SLC39A11: variants seen among roughly 807,000 people sequenced by gnomAD.
The protein encoded by SLC39A11 is zinc transporter ZIP11.
In SLC39A11, 33 loss-of-function variants were observed where a neutral mutation model predicts 36.1. That is an observed-to-expected ratio of 0.91 (90% CI 0.69 to 1.22). The LOEUF (loss-of-function observed/expected upper bound fraction) is 1.22, where lower values mean the gene tolerates loss of function less well. Among genes scored for constraint, SLC39A11 ranks in the 50% most tolerant of loss-of-function variants. SLC39A11 has a pLI of 0.00. For synonymous variants in SLC39A11, 166 were observed against 170.3 expected, an observed-to-expected ratio of 0.97 and a Z score of 0.20; for missense variants, 432 against 430.3, an observed-to-expected ratio of 1.00 and a Z score of -0.03.
intron 3 of SLC39A11, among the ~76,000 whole-genome samples, chr17:73,048,931 GATA>G (rs1372340089): frequency 1.3e-5 from 2 of 152,192 alleles, no homozygotes; most frequent in Non-Finnish European, 1.5e-5. Context: ...TCTGTGAATA[GATA>G]ATAACGCAGA....
At chr17:72,777,632 G>C (rs1294115453) in intron 6 of SLC39A11, among the ~76,000 whole-genome samples, 3 of 152,110 alleles carry the variant, frequency 2.0e-5, no homozygotes, top group Non-Finnish European at 1.5e-5. Flanking sequence ...AACTAGGAGA[G>C]GCCAAGAAAG....
intron 6 of SLC39A11, among the ~76,000 whole-genome samples, chr17:72,846,855 A>G (rs1408875087): frequency 1.3e-5 from 2 of 152,228 alleles, no homozygotes; most frequent in Admixed American, 1.3e-4. Flanking sequence ...GCAGAAAGAC[A>G]GCTACTATTA....
intron 7 of SLC39A11, among the ~76,000 whole-genome samples, chr17:72,718,557 G>A (rs1473387776): frequency 6.6e-6 from 1 of 152,072 alleles, no homozygotes; most frequent in African/African-American, 2.4e-5. Context: ...GACTTTGGGG[G>A]AGAGTTTTGA....
chr17:72,648,751 G>C (rs186429104), intron 9 of SLC39A11, 52 bp downstream of exon 9: 77 of 1,599,760 alleles, frequency 4.8e-5, no homozygotes, highest in Non-Finnish European at 6.5e-5. Context: ...CCAAGGCTGG[G>C]GTCCCAGCTG....
chr17:72,716,834 T>C (rs2073387979), intron 7 of SLC39A11, among the ~76,000 whole-genome samples: 1 of 151,720 alleles, frequency 6.6e-6, no homozygotes, highest in South Asian at 2.1e-4. Flanking sequence ...CTGGGCGTGG[T>C]GGCAGGTGCC....
intron 4 of SLC39A11, among the ~76,000 whole-genome samples, chr17:72,967,295 T>C (rs547930751): frequency 6.6e-6 from 1 of 151,654 alleles, no homozygotes; most frequent in Admixed American, 6.6e-5. Flanking sequence ...GGGACTACTA[T>C]GCTAGAGTGA....
intron 7 of SLC39A11, among the ~76,000 whole-genome samples, chr17:72,722,950 G>A (rs912534878): frequency 6.6e-6 from 1 of 152,030 alleles, no homozygotes; most frequent in Non-Finnish European, 1.5e-5. Context: ...TTTCTAGAAG[G>A]GTGATCTCTC....
chr17:72,729,117 A>T (rs754127650), intron 7 of SLC39A11, among the ~76,000 whole-genome samples: 7 of 151,952 alleles, frequency 4.6e-5, no homozygotes, highest in Non-Finnish European at 1.0e-4. Flanking sequence ...TCTTAGCCAG[A>T]TGCATGTTTG....
rs558738159 is a variant in SLC39A11, at chr17:72,809,500, T to C, written c.601+40134A>G. ...CAGGACATTTCAGCTTGCTTCTTCG[T>C]GGCTTCCCTTTTGCAATCACCTGGA... On this transcript the variant is annotated intron_variant, in intron 6 of 9. Coordinates refer to ENST00000255559, the MANE Select transcript of SLC39A11 (RefSeq NM_139177.4). Among the ~76,000 whole-genome samples, 41 of 152,300 alleles carry C rather than the reference T, an allele frequency of 2.7e-4. 1 individual carries two copies. The South Asian group carries it at 7.7e-3, about 28-fold the overall frequency.
intron 7 of SLC39A11, among the ~76,000 whole-genome samples, chr17:72,729,439 ATATATATATATATATATATT>A (rs2074104668): frequency 1.8e-3 from 4 of 2,172 alleles, no homozygotes; most frequent in Non-Finnish European, 3.3e-3. Flanking sequence ...ATATATATAT[ATATATATATATATATATATT>A]TTTTTTTTTT....
At chr17:72,767,407 C>T (rs1333313566) in intron 6 of SLC39A11, among the ~76,000 whole-genome samples, 5 of 152,186 alleles carry the variant, frequency 3.3e-5, no homozygotes, top group Admixed American at 3.3e-4. Context: ...GAGGGCTGCA[C>T]AGGGTGAGGG....
At chr17:72,800,825 T>G (rs1305131430) in intron 6 of SLC39A11, among the ~76,000 whole-genome samples, 1 of 152,136 alleles carries the variant, frequency 6.6e-6, no homozygotes, top group Admixed American at 6.5e-5. Flanking sequence ...ATGCTCCAAG[T>G]CAGTTCTATT....
At chr17:72,694,951 T>C (rs971376903) in intron 7 of SLC39A11, among the ~76,000 whole-genome samples, 1 of 151,972 alleles carries the variant, frequency 6.6e-6, no homozygotes, top group Non-Finnish European at 1.5e-5. Context: ...GCAGGTGCTG[T>C]GGGCATGGCT....
chr17:72,662,637 GAGAA>G (rs1202737032), intron 7 of SLC39A11, among the ~76,000 whole-genome samples: 1 of 115,590 alleles, frequency 8.7e-6, no homozygotes, highest in Non-Finnish European at 1.8e-5. Flanking sequence ...AGAAGAAAGA[GAGAA>G]AGAAAAAGAA....
intron 7 of SLC39A11, among the ~76,000 whole-genome samples, chr17:72,684,910 G>A (rs76642368): frequency 0.04 from 6,150 of 152,258 alleles, 151 homozygotes; most frequent in Middle Eastern, 0.078. Context: ...CCCCCCGGGG[G>A]TTCTGATGAC....
chr17:72,683,333 ATTTTTTT>A (rs112326860), intron 7 of SLC39A11, among the ~76,000 whole-genome samples: 18 of 134,608 alleles, frequency 1.3e-4, no homozygotes, highest in Admixed American at 1.0e-3. Context: ...CTTGAGACTA[ATTTTTTT>A]TTTTTTTTTT....
intron 5 of SLC39A11, among the ~76,000 whole-genome samples, chr17:72,899,989 A>AGAGAGAGAGAGAGAAG (rs2082240813): frequency 3.9e-5 from 1 of 25,388 alleles, no homozygotes; most frequent in Non-Finnish European, 6.1e-5. Context: ...AGAGAAAGAA[A>AGAGAGAGAGAGAGAAG]GAGAGAGAGA....
intron 4 of SLC39A11, among the ~76,000 whole-genome samples, chr17:73,025,030 A>G (rs1033102342): frequency 1.3e-5 from 2 of 152,084 alleles, no homozygotes; most frequent in Non-Finnish European, 2.9e-5. Context: ...CTGGGTACAT[A>G]TTCAAAGTAC....
chr17:73,035,863 C>CAAAAAA (rs1174297357), intron 3 of SLC39A11, among the ~76,000 whole-genome samples: 18 of 65,552 alleles, frequency 2.7e-4, no homozygotes, highest in Admixed American at 6.8e-4. Flanking sequence ...CACTCCATCT[C>CAAAAAA]AAAAAAAAAA....
Sources: allele counts gnomAD v4.1 joint callset (sites outside exome capture counted in the v4.1 genomes callset), GRCh38; gene constraint gnomAD v4.1.1; transcripts MANE v1.5; gene names NCBI Gene and HGNC (gene_info 2026-07-23, HGNC 2026-07-21).